Variants in GHR observed in about 807,000 individuals in gnomAD.
The protein encoded by GHR is growth hormone receptor.
Under a neutral mutation model 67.1 loss-of-function variants are expected in GHR, and 35 were observed. The observed-to-expected ratio is 0.52, with a 90% confidence interval of 0.40 to 0.69. The LOEUF (loss-of-function observed/expected upper bound fraction) is 0.69. Ranked by LOEUF, GHR falls within the 30% of genes least tolerant of loss-of-function variation. The pLI, the probability that GHR is intolerant of heterozygous loss-of-function variation, is 0.00. For missense variants in GHR, 792 were observed against 764.6 expected (o/e 1.04, Z -0.42); for synonymous variants, 272 against 269.1 (o/e 1.01, Z -0.10).
At chr5:42,480,185 A>G (rs1195485734) in intron 1 of GHR, among the ~76,000 whole-genome samples, 1 of 152,146 alleles carries the variant, frequency 6.6e-6, no homozygotes, top group South Asian at 2.1e-4. Context: ...GTTTCCATGT[A>G]GTAGAGCGGT....
intron 2 of GHR, among the ~76,000 whole-genome samples, chr5:42,595,362 A>G (rs530441671): frequency 2.7e-4 from 41 of 152,312 alleles, no homozygotes; most frequent in South Asian, 6.2e-4. Flanking sequence ...CCTCAGAATC[A>G]GGTATGTTCT....
intron 3 of GHR, among the ~76,000 whole-genome samples, chr5:42,661,715 G>A (rs1032731973): frequency 2.0e-5 from 3 of 152,136 alleles, no homozygotes; most frequent in African/African-American, 7.2e-5. Flanking sequence ...AAAATAACCA[G>A]CTAACATCAT....
At chr5:42,559,086 C>A (rs1263497861) in intron 1 of GHR, among the ~76,000 whole-genome samples, 1 of 152,080 alleles carries the variant, frequency 6.6e-6, no homozygotes, top group African/African-American at 2.4e-5. Flanking sequence ...GTTCATATAT[C>A]CAATCTGTTA....
intron 1 of GHR, among the ~76,000 whole-genome samples, chr5:42,427,372 T>A (rs1373060075): frequency 6.6e-6 from 1 of 152,232 alleles, no homozygotes; most frequent in African/African-American, 2.4e-5. Flanking sequence ...AGAAAGCATG[T>A]GCAGGGGAAC....
chr5:42,466,799 T>C lies in GHR; in HGVS notation c.-12+42844T>C, dbSNP rs544463729. The C allele has an allele frequency of 2.2e-5, 21 of 939,474 alleles. No homozygotes were observed. The South Asian group carries it at 6.4e-4, about 29-fold the overall frequency. The allele number at this position is 939,474 out of a possible 1,614,324, so 58.2% of individuals were successfully genotyped here. ...TTTAAGGACATAGGCCTCATCTTTATAAAGGAAGAAGAAAACAGCAAAGAG... is the reference window on the plus strand; with the variant it reads ...TTTAAGGACATAGGCCTCATCTTTACAAAGGAAGAAGAAAACAGCAAAGAG... On this transcript the variant is annotated intron_variant, in intron 1 of 9. Coordinates refer to ENST00000230882, the MANE Select transcript of GHR (RefSeq NM_000163.5).
In GHR at chr5:42,656,317, T is replaced by G. The variant is rs528154685; in HGVS notation, c.136+27214T>G. 1.1e-4 allele frequency among the ~76,000 whole-genome samples: 16 copies of G among 152,350 alleles called. No individual in the cohort carries two copies. The South Asian group carries it at 2.7e-3, about 26-fold the overall frequency. The stretch of plus-strand genomic sequence containing the variant: ...TAAACAACACATATAAATAAACATT[T>G]TAGTATCTTCTCATTACCCAGTGGA... On this transcript the variant is annotated intron_variant, in intron 3 of 9. Coordinates refer to ENST00000230882, the MANE Select transcript of GHR (RefSeq NM_000163.5).
At chr5:42,532,208 G>T (rs1026914382) in intron 1 of GHR, among the ~76,000 whole-genome samples, 5 of 152,092 alleles carry the variant, frequency 3.3e-5, no homozygotes, top group African/African-American at 9.7e-5. Flanking sequence ...GTCAACCCTT[G>T]AGCCATGAGG....
At chr5:42,662,520 A>G (rs1182277891) in intron 3 of GHR, among the ~76,000 whole-genome samples, 1 of 152,222 alleles carries the variant, frequency 6.6e-6, no homozygotes, top group East Asian at 1.9e-4. Context: ...GTACATAACA[A>G]AATGAAGGCA....
intron 3 of GHR, among the ~76,000 whole-genome samples, chr5:42,668,635 C>A (rs1756116242): frequency 6.6e-6 from 1 of 152,108 alleles, no homozygotes; most frequent in Non-Finnish European, 1.5e-5. Flanking sequence ...AAGCTATGTT[C>A]TGAGCAATAT....
rs964451421 is a variant in GHR, at chr5:42,721,384, T to A, written c.*1960T>A. The stretch of plus-strand genomic sequence containing the variant: ...ATTTCCCATTTATCGCAGACCTTTT[T>A]TAGGAAGCAAGCTTAATGGCTGATA... On this transcript the variant is annotated 3_prime_UTR_variant, in exon 10 of 10. Coordinates refer to ENST00000230882, the MANE Select transcript of GHR (RefSeq NM_000163.5). 1 of 152,234 alleles carries A rather than the reference T, an allele frequency of 6.6e-6. No individual in the cohort carries two copies. Among genetic ancestry groups the A allele is most frequent in the African/African-American group, 2.4e-5 (1 of 41,460 alleles). The allele number at this position is 152,234 out of a possible 1,614,324, so 9.4% of individuals were successfully genotyped here.
intron 2 of GHR, among the ~76,000 whole-genome samples, chr5:42,593,468 C>A: frequency 6.6e-6 from 1 of 152,128 alleles, no homozygotes. Context: ...TAGAGTCCTG[C>A]CTATATTCAA....
At chr5:42,494,250 C>G (rs1746229918) in intron 1 of GHR, among the ~76,000 whole-genome samples, 2 of 152,054 alleles carry the variant, frequency 1.3e-5, no homozygotes, top group Admixed American at 1.3e-4. Context: ...GGGCCATCGG[C>G]AACCATATCC....
intron 2 of GHR, among the ~76,000 whole-genome samples, chr5:42,587,944 CT>C: frequency 6.6e-6 from 1 of 152,298 alleles, no homozygotes; most frequent in African/African-American, 2.4e-5. Context: ...AACCCATTGA[CT>C]GAGGGCCAAG....
chr5:42,521,172 G>A (rs555291853), intron 1 of GHR, among the ~76,000 whole-genome samples: 1 of 152,274 alleles, frequency 6.6e-6, no homozygotes, highest in East Asian at 1.9e-4. Context: ...AAGGGAATAG[G>A]ACAAGAGTCC....
At chr5:42,637,020 T>TACAAG (rs1167880815) in intron 3 of GHR, among the ~76,000 whole-genome samples, 1 of 152,220 alleles carries the variant, frequency 6.6e-6, no homozygotes, top group African/African-American at 2.4e-5. Flanking sequence ...CAATATCTGG[T>TACAAG]ACAAGGTAAG....
chr5:42,614,042 G>A (rs115447102), intron 2 of GHR, among the ~76,000 whole-genome samples: 2,061 of 152,174 alleles, frequency 0.014, 37 homozygotes, highest in African/African-American at 0.047. Context: ...GACCTGAACC[G>A]AATGCTGGCC....
chr5:42,469,212 A>G (rs1744888838), intron 1 of GHR, among the ~76,000 whole-genome samples: 1 of 152,178 alleles, frequency 6.6e-6, no homozygotes, highest in Non-Finnish European at 1.5e-5. Context: ...TGTTCACTGG[A>G]ATAGGTGGGT....
At chr5:42,507,019 G>T (rs537639935) in intron 1 of GHR, among the ~76,000 whole-genome samples, 1 of 152,252 alleles carries the variant, frequency 6.6e-6, no homozygotes, top group South Asian at 2.1e-4. Flanking sequence ...TATCAAATGG[G>T]TCAGTTGTTA....
intron 2 of GHR, among the ~76,000 whole-genome samples, chr5:42,590,559 C>G (rs887390403): frequency 6.6e-6 from 1 of 152,134 alleles, no homozygotes; most frequent in Admixed American, 6.5e-5. Flanking sequence ...TTAAAAGCAA[C>G]CACAGATCAT....
Sources: gnomAD v4.1 joint callset for allele counts (sites outside exome capture counted in the v4.1 genomes callset) on GRCh38, gnomAD v4.1.1 for gene constraint, MANE v1.5 for transcripts, NCBI Gene and HGNC (gene_info 2026-07-23, HGNC 2026-07-21) for gene names.